Variants in CHCHD3 observed in about 807,000 individuals in gnomAD.
CHCHD3 encodes coiled-coil-helix-coiled-coil-helix domain containing 3.
Under a neutral mutation model 38.2 loss-of-function variants are expected in CHCHD3, and 20 were observed. The ratio of observed to expected loss-of-function variants is 0.52; its 90% CI spans 0.37 to 0.76. The LOEUF (loss-of-function observed/expected upper bound fraction) is 0.76, where lower values mean the gene tolerates loss of function less well. CHCHD3 is among the 30% of genes least tolerant of loss of function. The pLI, the probability that CHCHD3 is intolerant of heterozygous loss-of-function variation, is 0.00. For synonymous variants in CHCHD3, 82 were observed against 100.0 expected (o/e 0.82, Z 1.07); for missense variants, 245 against 279.2 (o/e 0.88, Z 0.87).
intron 2 of CHCHD3, among the ~76,000 whole-genome samples, chr7:133,054,048 C>G (rs542886937): frequency 1.3e-5 from 2 of 152,226 alleles, no homozygotes; most frequent in African/African-American, 4.8e-5. Context: ...GTAAAACATA[C>G]TTTTAAAAAT....
intron 4 of CHCHD3, among the ~76,000 whole-genome samples, chr7:132,917,682 C>T (rs972296847): frequency 6.6e-6 from 1 of 151,660 alleles, no homozygotes; most frequent in Admixed American, 6.6e-5. Context: ...CACGGTGAAA[C>T]CCCCGTCTCT....
chr7:132,892,184 A>G (rs1352657264), intron 4 of CHCHD3, among the ~76,000 whole-genome samples: 1 of 152,202 alleles, frequency 6.6e-6, no homozygotes, highest in African/African-American at 2.4e-5. Context: ...AAGATATGGG[A>G]AAGTCTGGAA....
intron 2 of CHCHD3, among the ~76,000 whole-genome samples, chr7:133,050,470 C>T (rs1814132038): frequency 6.6e-6 from 1 of 150,638 alleles, no homozygotes; most frequent in Non-Finnish European, 1.5e-5. Flanking sequence ...CTCTTAATGG[C>T]ACACAGGGTG....
At chr7:133,040,382 C>T (rs752173446) in intron 2 of CHCHD3, among the ~76,000 whole-genome samples, 7 of 152,106 alleles carry the variant, frequency 4.6e-5, no homozygotes. Flanking sequence ...TTTCTCTTCC[C>T]GCATGCAGTA....
At position 132,889,290 on chromosome 7, in the gene CHCHD3, C is replaced by G. The variant is rs552284221; in HGVS notation, c.370-3545G>C. 1.1e-3 allele frequency among the ~76,000 whole-genome samples: 167 copies of G among 152,100 alleles called. 2 individuals carry two copies. Among genetic ancestry groups the G allele is most frequent in the Non-Finnish European group, 2.8e-4 (19 of 67,956 alleles). On this transcript the variant is annotated intron_variant, in intron 4 of 7. Transcript: ENST00000262570. ...TACCCTGGCTATTAAAACACTCATA[C>G]TAGGTAATGTTCCCTTTGTTCACAA...
intron 2 of CHCHD3, 128 bp downstream of exon 2, chr7:133,070,014 A>G: frequency 1.6e-6 from 1 of 643,910 alleles, no homozygotes; most frequent in Non-Finnish European, 2.7e-6. Flanking sequence ...CTGATTTCTA[A>G]TATTCCTTAT....
At chr7:133,026,956 G>C (rs74483565) in intron 2 of CHCHD3, among the ~76,000 whole-genome samples, 3 of 126,010 alleles carry the variant, frequency 2.4e-5, no homozygotes, top group Non-Finnish European at 5.1e-5. Flanking sequence ...TTTTTTTTTT[G>C]AGACTGAGTC....
At chr7:133,037,572 G>A (rs1417308288) in intron 2 of CHCHD3, among the ~76,000 whole-genome samples, 2 of 152,076 alleles carry the variant, frequency 1.3e-5, no homozygotes, top group Non-Finnish European at 2.9e-5. Context: ...CAGCACTTTC[G>A]GAGGCTGAGG....
intron 3 of CHCHD3, among the ~76,000 whole-genome samples, chr7:132,979,959 A>G (rs985292272): frequency 6.6e-6 from 1 of 152,214 alleles, no homozygotes; most frequent in African/African-American, 2.4e-5. Context: ...ACCACTTTGC[A>G]AAGAAAAACT....
At chr7:132,787,565 A>T (rs938914510) in intron 7 of CHCHD3, among the ~76,000 whole-genome samples, 1 of 152,130 alleles carries the variant, frequency 6.6e-6, no homozygotes, top group Non-Finnish European at 1.5e-5. Context: ...TGGGTGAGAC[A>T]TCCAAAATGG....
intron 4 of CHCHD3, among the ~76,000 whole-genome samples, chr7:132,917,293 AC>A (rs1810130876): frequency 7.0e-6 from 1 of 143,256 alleles, no homozygotes; most frequent in Non-Finnish European, 1.6e-5. Context: ...TTGAATTCTT[AC>A]AAAAAAAAAA....
At chr7:132,930,452 A>C (rs1810487810) in intron 4 of CHCHD3, among the ~76,000 whole-genome samples, 1 of 152,184 alleles carries the variant, frequency 6.6e-6, no homozygotes, top group East Asian at 1.9e-4. Context: ...TACAGGCGTG[A>C]GCCACTGCAC....
At chr7:133,057,465 A>T (rs1814375937) in intron 2 of CHCHD3, among the ~76,000 whole-genome samples, 1 of 152,100 alleles carries the variant, frequency 6.6e-6, no homozygotes, top group South Asian at 2.1e-4. Context: ...GGAGGCTGAG[A>T]TAGGAGAATC....
chr7:133,079,296 T>C (rs1330366586), intron 1 of CHCHD3, among the ~76,000 whole-genome samples: 4 of 152,232 alleles, frequency 2.6e-5, no homozygotes, highest in South Asian at 2.1e-4. Context: ...ATATACATTA[T>C]GTCAAATTCT....
chr7:132,955,173 G>GGGGGGTGTGT (rs138213006), intron 4 of CHCHD3, among the ~76,000 whole-genome samples: 59 of 126,290 alleles, frequency 4.7e-4, no homozygotes, highest in African/African-American at 1.6e-3. Flanking sequence ...TCCCTCAGAG[G>GGGGGGTGTGT]GTGTGTGTGT....
chr7:133,023,914 A>T (rs1813260979), intron 3 of CHCHD3, among the ~76,000 whole-genome samples: 1 of 152,164 alleles, frequency 6.6e-6, no homozygotes, highest in East Asian at 1.9e-4. Flanking sequence ...TTCTACTGTT[A>T]CAAAAACACT....
At chr7:132,861,442 C>T (rs1027266077) in intron 5 of CHCHD3, among the ~76,000 whole-genome samples, 5 of 152,144 alleles carry the variant, frequency 3.3e-5, no homozygotes, top group African/African-American at 7.2e-5. Context: ...GTATTCCACT[C>T]GCTAGACTCT....
At chr7:132,938,705 C>G (rs1382161948) in intron 4 of CHCHD3, among the ~76,000 whole-genome samples, 12 of 152,194 alleles carry the variant, frequency 7.9e-5, no homozygotes, top group Admixed American at 7.9e-4. Context: ...CTCCACTGGG[C>G]TCACACTTTA....
At chr7:132,987,047 C>A (rs543751306) in intron 3 of CHCHD3, among the ~76,000 whole-genome samples, 5 of 152,266 alleles carry the variant, frequency 3.3e-5, no homozygotes, top group African/African-American at 1.2e-4. Context: ...AAGGACTACC[C>A]TTTAAAGTTC....
Sources: gnomAD v4.1 joint callset for allele counts (sites outside exome capture counted in the v4.1 genomes callset) on GRCh38, gnomAD v4.1.1 for gene constraint, MANE v1.5 for transcripts, NCBI Gene and HGNC (gene_info 2026-07-23, HGNC 2026-07-21) for gene names.